The following ADGRG1 variants were observed in gnomAD, a reference collection of about 807,000 sequenced individuals.
ADGRG1 encodes 7-transmembrane protein with no EGF-like N-terminal domains-1.
In ADGRG1, 53 loss-of-function variants were observed where a neutral mutation model predicts 73.5. That is an observed-to-expected ratio of 0.72 (90% CI 0.58 to 0.91). The LOEUF (loss-of-function observed/expected upper bound fraction) is 0.91, where lower values mean the gene tolerates loss of function less well. Ranked by LOEUF, ADGRG1 falls within the 40% of genes least tolerant of loss-of-function variation. The pLI, the probability that ADGRG1 is intolerant of heterozygous loss-of-function variation, is 0.00. For synonymous variants in ADGRG1, 394 were observed against 374.4 expected (o/e 1.05, Z -0.60); for missense variants, 795 against 871.8 (o/e 0.91, Z 1.11).
In ADGRG1 at chr16:57,651,310, G is replaced by A. The variant is rs769720051; in HGVS notation, c.175G>A (p.Glu59Lys). ...CACACCAGACCTGCGCATCTCCATC[G>A]AGAACTCCGAAGAGGCCCTCACAGT... ...KPTPDLRISI[E>K]NSEEALTVHA... Residue 59 changes from glutamate (E) to lysine (K), a missense_variant, in exon 3 of 14, where the codon GAG becomes AAG. Glu to Lys is a moderately conservative substitution (Grantham distance 56). Coordinates refer to ENST00000562631, the MANE Select transcript of ADGRG1 (RefSeq NM_201525.4). 6.8e-6 allele frequency: 11 copies of A among 1,614,024 alleles called. No homozygotes were observed. Among genetic ancestry groups the A allele is most frequent in the Middle Eastern group, 1.6e-4 (1 of 6,084 alleles).
chr16:57,655,558 C>A (rs759601323), intron 6 of ADGRG1, 28 bp downstream of exon 6: 1 of 1,612,164 alleles, frequency 6.2e-7, no homozygotes, highest in Admixed American at 1.7e-5. Flanking sequence ...TCATGCCTCC[C>A]AGGAGAAAGC....
chr16:57,639,157 A>G lies in ADGRG1; in HGVS notation c.-36+10355A>G, dbSNP rs749930966. 64 of 534,328 alleles carry G rather than the reference A, an allele frequency of 1.2e-4. 1 individual carries two copies. The highest frequency in any genetic ancestry group is 6.4e-5 in the Admixed American group (1 of 15,720). 33.1% of individuals were successfully genotyped at this position (534,328 alleles called of 1,614,324 possible). ...AAAACCTGGGGCTCTGCCTCTCTCG[A>G]GAAATTGGAAGCTCTGGCTCTTTGT... is the stretch of plus-strand genomic sequence containing the variant. On this transcript the variant is annotated intron_variant, in intron 1 of 13. Transcript: ENST00000562631.
chr16:57,649,032 A>T (rs1460760209), intron 1 of ADGRG1, among the ~76,000 whole-genome samples: 1 of 152,238 alleles, frequency 6.6e-6, no homozygotes, highest in Non-Finnish European at 1.5e-5. Context: ...GGATGGGTCA[A>T]CACAGAGGCT....
chr16:57,623,066 C>G, upstream of ADGRG1: 1 of 985,064 alleles, frequency 1.0e-6, no homozygotes, highest in Non-Finnish European at 1.2e-6. Flanking sequence ...TAAGGCAGCT[C>G]TAATCCTGTG....
At chr16:57,626,720 G>A (rs1193715495), upstream of ADGRG1, 56 of 966,060 alleles carry the variant, frequency 5.8e-5, 1 homozygote, top group Non-Finnish European at 6.8e-5. Context: ...GGGTGTGTGT[G>A]TGGTGGTGGT....
chr16:57,657,342 A>C, intron 9 of ADGRG1, 31 bp from the exon 10 acceptor site: 1 of 1,613,604 alleles, frequency 6.2e-7, no homozygotes, highest in Non-Finnish European at 8.5e-7. Flanking sequence ...GGGGACACAG[A>C]GGCCAGCTCT....
At chr16:57,628,887 AGTGTGAGTGT>A (rs2036548319) in intron 1 of ADGRG1, 85 bp downstream of exon 1, 10 of 805,628 alleles carry the variant, frequency 1.2e-5, no homozygotes, top group East Asian at 1.7e-4. Flanking sequence ...AGTGTGTGAG[AGTGTGAGTGT>A]GTGAGTGTGA....
chr16:57,661,735 A>C lies in ADGRG1; in HGVS notation c.1703A>C (p.Asn568Thr). The change falls in exon 13 of 14, where the codon AAC becomes ACC. Residue 568 changes from asparagine to threonine, a missense_variant. By Grantham distance (65) the Asn-to-Thr change is moderately conservative. Coordinates refer to ENST00000562631, the MANE Select transcript of ADGRG1 (RefSeq NM_201525.4). ...IRDSLVSYIT[N>T]LGLFSLVFLF... ...GACTCCCTGGTCAGCTACATCACCAACCTGGGCCTCTTCAGCCTGGTGTTT... is the reference window on the plus strand; with the variant it reads ...GACTCCCTGGTCAGCTACATCACCACCCTGGGCCTCTTCAGCCTGGTGTTT... 1 of 1,613,976 alleles carries C rather than the reference A, an allele frequency of 6.2e-7. No homozygotes were observed. The highest frequency in any genetic ancestry group is 1.1e-5 in the South Asian group (1 of 91,082).
At chr16:57,628,289 C>T (rs2036304799), upstream of ADGRG1, 2 of 671,570 alleles carry the variant, frequency 3.0e-6, no homozygotes, top group African/African-American at 2.0e-5. Flanking sequence ...CGTGGCAACC[C>T]CGGCCTCTCT....
rs1384519938 is a variant in ADGRG1 at position 57,651,460 on chromosome 16, G to T, written c.325G>T (p.Asp109Tyr). 1.2e-6 allele frequency: 2 copies of T among 1,614,226 alleles called. No individual in the cohort carries two copies. The highest frequency in any genetic ancestry group is 1.1e-5 in the South Asian group (1 of 91,086). The change falls in exon 3 of 14, where the codon GAC (aspartate) becomes TAC (tyrosine). Residue 109 changes from aspartate (D) to tyrosine (Y), a missense_variant. Coordinates refer to ENST00000562631, the MANE Select transcript of ADGRG1 (RefSeq NM_201525.4). The part of the protein sequence containing the change: ...GRLHLLYGKR[D>Y]FLLSDKASSL... ...ATTACATCTTCTCTATGGCAAGCGT[G>T]ACTTCTTGCTGAGTGACAAAGCCTC... is the stretch of plus-strand genomic sequence containing the variant.
intron 1 of ADGRG1, chr16:57,632,938 T>A (rs1020380929): frequency 5.7e-5 from 56 of 985,298 alleles, no homozygotes; most frequent in Non-Finnish European, 6.7e-5. Context: ...CGGGGCCACT[T>A]ACACCAACTG....
intron 1 of ADGRG1, chr16:57,634,715 A>T (rs1433365403): frequency 5.7e-6 from 1 of 174,830 alleles, no homozygotes; most frequent in Non-Finnish European, 1.1e-5. Context: ...GGGGCGTTGC[A>T]GAAGCAACTT....
chr16:57,647,498 A>G, intron 1 of ADGRG1: 3 of 911,742 alleles, frequency 3.3e-6, no homozygotes, highest in Non-Finnish European at 2.6e-6. Context: ...GTTTACAGGT[A>G]TCAATTCATT....
At chr16:57,620,438 A>G (rs1220306457), upstream of ADGRG1, among the ~76,000 whole-genome samples, 1 of 152,202 alleles carries the variant, frequency 6.6e-6, no homozygotes, top group Non-Finnish European at 1.5e-5. Flanking sequence ...TGCAGGACGC[A>G]GGGCAAGGGT....
At chr16:57,636,395 C>T (rs76179231) in intron 1 of ADGRG1, 13,286 of 985,254 alleles carry the variant, frequency 0.013, 101 homozygotes, top group African/African-American at 0.028. Flanking sequence ...GAGCCTTTAT[C>T]GGGAAAACAA....
chr16:57,624,735 C>G (rs2035508298), upstream of ADGRG1: 1 of 983,270 alleles, frequency 1.0e-6, no homozygotes, highest in African/African-American at 1.7e-5. Flanking sequence ...ATGCCCTAAC[C>G]CCTTATCCCT....
At chr16:57,644,967 C>G (rs912526591) in intron 1 of ADGRG1, 1 of 605,186 alleles carries the variant, frequency 1.7e-6, no homozygotes, top group East Asian at 1.4e-4. Context: ...CACACTCATG[C>G]ATGGGCACAC....
At chr16:57,654,175 C>A (rs371373555) in intron 5 of ADGRG1, 42 bp downstream of exon 5, 1 of 1,593,660 alleles carries the variant, frequency 6.3e-7, no homozygotes, top group Non-Finnish European at 8.5e-7. Flanking sequence ...CGGGTTGGGC[C>A]GGGGCCAGAT....
rs377177779 is a variant in ADGRG1, at chr16:57,653,165, C to T, written c.488-38C>T. 3.7e-5 allele frequency: 60 copies of T among 1,601,712 alleles called. 1 individual carries two copies. The African/African-American group carries it at 5.1e-4, about 14-fold the overall frequency. On this transcript the variant is annotated intron_variant, in intron 3 of 13. Transcript: ENST00000562631. ...AATGGGAGGGTCCTGGGACCTGAAT[C>T]GGCAGCCTCGGCGGGGGCCTGTCCA...
Sources: allele counts gnomAD v4.1 joint callset (sites outside exome capture counted in the v4.1 genomes callset), GRCh38; gene constraint gnomAD v4.1.1; transcripts MANE v1.5; gene names NCBI Gene and HGNC (gene_info 2026-07-23, HGNC 2026-07-21).